The following GFPT2 variants were observed in gnomAD, a reference collection of about 807,000 sequenced individuals.
The protein encoded by GFPT2 is glutamine--fructose-6-phosphate transaminase 2.
Under a neutral mutation model 85.6 loss-of-function variants are expected in GFPT2, and 62 were observed. That is an observed-to-expected ratio of 0.72 (90% CI 0.59 to 0.90). The LOEUF is 0.90. GFPT2 is among the 40% of genes least tolerant of loss of function. The probability of loss-of-function intolerance (pLI) is 0.00; values close to 1 mark genes in which losing one functional copy is unlikely to be tolerated. For synonymous variants in GFPT2, 368 were observed against 344.5 expected, an observed-to-expected ratio of 1.07 and a Z score of -0.75; for missense variants, 788 against 893.4, an observed-to-expected ratio of 0.88 and a Z score of 1.50.
In GFPT2 at chr5:180,330,774, T is replaced by G. The variant is rs747300251; in HGVS notation, c.460A>C (p.Lys154Gln). ...TDTETIAKLI[K>Q]YVFDNRETED... Reference sequence around the variant, plus strand: ...GTTTCTCTGTTGTCGAACACATATTTAATCAGCTTGGCGATGGTCTCTGTA... The same window carrying G: ...GTTTCTCTGTTGTCGAACACATATTGAATCAGCTTGGCGATGGTCTCTGTA... Residue 154 changes from lysine to glutamine, a missense_variant, in exon 6 of 19, where the codon AAA becomes CAA. Physicochemically the swap from Lys to Gln is moderately conservative, Grantham distance 53 (BLOSUM62 1). Transcript: ENST00000253778. This position sits in a 1 kb window ranked among gnomAD's most constrained non-coding sequence, Gnocchi z 4.4. 1.2e-6 allele frequency: 2 copies of G among 1,613,106 alleles called. No individual in the cohort carries two copies. Among genetic ancestry groups the G allele is most frequent in the Non-Finnish European group, 8.5e-7 (1 of 1,179,020 alleles).
At position 180,329,207 on chromosome 5, in the gene GFPT2, C is replaced by T. The variant is rs141853769; in HGVS notation, c.535-869G>A. Among the ~76,000 whole-genome samples, 489 of 152,298 alleles carry T rather than the reference C, an allele frequency of 3.2e-3. 4 individuals carry two copies. The highest frequency in any genetic ancestry group is 0.011 in the African/African-American group (440 of 41,566). On this transcript the variant is annotated intron_variant, in intron 6 of 18. Transcript: ENST00000253778. ...GGAAGCCACGGGCAGCCCCAGGCCC[C>T]GGGTGGTCAGCGTGTCGGGTCCAGG... is the stretch of plus-strand genomic sequence containing the variant.
At chr5:180,331,761 C>T (rs559903792) in intron 4 of GFPT2, 42 of 585,540 alleles carry the variant, frequency 7.2e-5, no homozygotes, top group African/African-American at 3.2e-4. Context: ...TCTAGGGCAG[C>T]GGCTACTACA....
chr5:180,331,957 A>G (rs1030207486), intron 4 of GFPT2, among the ~76,000 whole-genome samples: 4 of 152,226 alleles, frequency 2.6e-5, no homozygotes, highest in East Asian at 1.9e-4. Flanking sequence ...TTTAGGCACA[A>G]AGAGGTCGCA....
chr5:180,317,570 T>C (rs1218379783), intron 10 of GFPT2, among the ~76,000 whole-genome samples: 2 of 145,350 alleles, frequency 1.4e-5, no homozygotes, highest in African/African-American at 5.7e-5. Flanking sequence ...CCATCCCGGC[T>C]AAAACAGTGA....
rs575859891 is a variant in GFPT2, at chr5:180,328,524, C to T, written c.535-186G>A. ...AGGGAAAGCAAAACAGACGGTGCCA[C>T]GGGAAGTACCACAAACCAGAACATG... On this transcript the variant is annotated intron_variant, in intron 6 of 18. Coordinates refer to ENST00000253778, the MANE Select transcript of GFPT2 (RefSeq NM_005110.4). The surrounding 1 kb of genome is among the most constrained non-coding windows in gnomAD (Gnocchi z 5.4). Among the ~76,000 whole-genome samples the T allele has an allele frequency of 6.6e-6, 1 of 152,320 alleles. No homozygotes were observed. The highest frequency in any genetic ancestry group is 2.4e-5 in the African/African-American group (1 of 41,572).
intron 4 of GFPT2, among the ~76,000 whole-genome samples, chr5:180,334,963 G>A (rs993600825): frequency 2.0e-5 from 3 of 152,216 alleles, no homozygotes; most frequent in Non-Finnish European, 4.4e-5. Flanking sequence ...GGGGGCAAGG[G>A]TGTCATTTAA....
intron 13 of GFPT2, among the ~76,000 whole-genome samples, chr5:180,315,485 T>C (rs377558950): frequency 6.6e-6 from 1 of 151,794 alleles, no homozygotes; most frequent in Non-Finnish European, 1.5e-5. Flanking sequence ...GCCGGTTATA[T>C]GTTTTTCTTT....
At position 180,316,469 on chromosome 5, in the gene GFPT2, C is replaced by T. The variant is rs1373901967; in HGVS notation, c.1153-8G>A. On this transcript the variant is annotated splice_region_variant and splice_polypyrimidine_tract_variant and intron_variant, in intron 12 of 18. Transcript: ENST00000253778. ...CTCCAAAACTTGCCGCGTCTGAAGCCAACAAGCAAGCATGGAGACTAAAGT... is the reference window on the plus strand; with the variant it reads ...CTCCAAAACTTGCCGCGTCTGAAGCTAACAAGCAAGCATGGAGACTAAAGT... 1.2e-6 allele frequency: 2 copies of T among 1,613,956 alleles called. No individual in the cohort carries two copies. The highest frequency in any genetic ancestry group is 2.7e-5 in the African/African-American group (2 of 74,906).
intron 1 of GFPT2, among the ~76,000 whole-genome samples, chr5:180,349,207 C>G (rs1334662557): frequency 6.6e-6 from 1 of 151,668 alleles, no homozygotes; most frequent in African/African-American, 2.4e-5. Context: ...TTTGGGAGGC[C>G]GAGGTGGGAG....
In GFPT2 at chr5:180,306,789, G is replaced by C. The variant is rs74825781; in HGVS notation, c.1674+387C>G. Among the ~76,000 whole-genome samples the C allele has an allele frequency of 4.3e-3, 659 of 152,310 alleles. 11 individuals are homozygous for C. Among genetic ancestry groups the C allele is most frequent in the East Asian group, 0.041 (212 of 5,176 alleles). On this transcript the variant is annotated intron_variant, in intron 16 of 18. Transcript: ENST00000253778. The stretch of plus-strand genomic sequence containing the variant: ...ACGTCATCTTGAGTGAGATACTTAA[G>C]CTTTCAGAGGCTTTGTTTCCTCCTG...
intron 1 of GFPT2, chr5:180,352,757 C>G: frequency 2.9e-6 from 1 of 348,624 alleles, no homozygotes; most frequent in Non-Finnish European, 5.6e-6. Context: ...CGCCTCTCCT[C>G]TCCTCGGTGG....
intron 2 of GFPT2, among the ~76,000 whole-genome samples, chr5:180,337,439 C>A (rs541809254): frequency 7.4e-6 from 1 of 135,300 alleles, no homozygotes; most frequent in Non-Finnish European, 1.5e-5. Context: ...GGTGACAGAG[C>A]GAGACTCCAT....
intron 1 of GFPT2, among the ~76,000 whole-genome samples, chr5:180,348,617 C>T (rs1424495466): frequency 6.6e-6 from 1 of 152,220 alleles, no homozygotes; most frequent in African/African-American, 2.4e-5. Context: ...CTGGAGACAG[C>T]CCCAGACTGC....
rs200777493 is a variant in GFPT2, at chr5:180,342,415, T to TG, written c.8-3816_8-3815insC. Among the ~76,000 whole-genome samples the TG allele has an allele frequency of 4.4e-3, 653 of 148,712 alleles. 17 individuals are homozygous for TG. The South Asian group carries it at 0.046, about 11-fold the overall frequency. On this transcript the variant is annotated intron_variant, in intron 1 of 18. Transcript: ENST00000253778. The stretch of plus-strand genomic sequence containing the variant: ...TCATGTTTAGGTGAAATGTTTTTTT[T>TG]TTTTTTTTTTTTGAGACAGGGTCTC...
intron 7 of GFPT2, among the ~76,000 whole-genome samples, chr5:180,327,304 C>T (rs996077828): frequency 6.6e-6 from 1 of 152,234 alleles, no homozygotes; most frequent in Non-Finnish European, 1.5e-5. Context: ...ACCACTGTCT[C>T]CCATGCCTGG....
Position 180,304,865 on chromosome 5 carries a change from C to T in GFPT2, c.1749G>A (p.Leu583=), listed in dbSNP as rs754507901. 1.5e-5 allele frequency: 24 copies of T among 1,612,680 alleles called. No homozygotes were observed. The East Asian group carries it at 5.3e-4, about 36-fold the overall frequency. ...TGATGACGGGCATCTGCTTGTCAAT[C>T]AGTGCCAGGGGCCCGTGCTTCAGCT... ...AGELKHGPLA[L]IDKQMPVIMV... Residue 583 remains leucine, a synonymous_variant, in exon 17 of 19, where the codon CTG becomes CTA. Transcript: ENST00000253778.
intron 9 of GFPT2, among the ~76,000 whole-genome samples, chr5:180,321,772 G>C (rs1764125402): frequency 9.0e-6 from 1 of 111,486 alleles, no homozygotes; most frequent in African/African-American, 3.0e-5. Flanking sequence ...GTTTTGTTTT[G>C]TTTTGTTTTG....
chr5:180,302,839 G>A (rs1172196439), intron 17 of GFPT2, among the ~76,000 whole-genome samples: 2 of 152,202 alleles, frequency 1.3e-5, no homozygotes, highest in Non-Finnish European at 2.9e-5. Context: ...ACCCATTTGT[G>A]CCTTGCCGAG....
chr5:180,342,627 C>A (rs139960587), intron 1 of GFPT2, among the ~76,000 whole-genome samples: 4 of 152,012 alleles, frequency 2.6e-5, no homozygotes, highest in Non-Finnish European at 5.9e-5. Context: ...CAGAGGCCAG[C>A]GCAGTGGCTC....
Sources: gnomAD v4.1 joint callset for allele counts (sites outside exome capture counted in the v4.1 genomes callset) on GRCh38, gnomAD v4.1.1 for gene constraint, Gnocchi (gnomAD v3.1) non-coding constraint, MANE v1.5 for transcripts, NCBI Gene and HGNC (gene_info 2026-07-23, HGNC 2026-07-21) for gene names.